The following MND1 variants were observed in gnomAD, a reference collection of about 807,000 sequenced individuals.
The protein encoded by MND1 is meiotic nuclear divisions 1, also known as meiotic nuclear division protein 1 homolog.
MND1 carries 28 observed loss-of-function variants against 35.1 expected under a neutral mutation model. The observed-to-expected ratio is 0.80, with a 90% CI of 0.59 to 1.09. The LOEUF (loss-of-function observed/expected upper bound fraction) is 1.09. MND1 is among the 50% of genes least tolerant of loss of function. The pLI, the probability that MND1 is intolerant of heterozygous loss-of-function variation, is 0.00. For synonymous variants in MND1, 69 were observed against 70.5 expected, an observed-to-expected ratio of 0.98 and a Z score of 0.11; for missense variants, 213 against 239.6, an observed-to-expected ratio of 0.89 and a Z score of 0.73.
intron 7 of MND1, among the ~76,000 whole-genome samples, chr4:153,409,464 A>C (rs1044818672): frequency 3.3e-5 from 5 of 152,102 alleles, no homozygotes; most frequent in African/African-American, 1.2e-4. Flanking sequence ...CTCCATGATA[A>C]TCTTGAGGTA....
intron 1 of MND1, among the ~76,000 whole-genome samples, chr4:153,347,336 C>A (rs923059797): frequency 1.1e-4 from 17 of 152,260 alleles, no homozygotes; most frequent in Non-Finnish European, 2.2e-4. Context: ...ACTGAGATTT[C>A]TCTGATTTGT....
At chr4:153,380,494 A>T (rs972833990) in intron 4 of MND1, among the ~76,000 whole-genome samples, 1 of 152,160 alleles carries the variant, frequency 6.6e-6, no homozygotes, top group African/African-American at 2.4e-5. Flanking sequence ...TATTGGCCAG[A>T]TCTGAATTCC....
intron 4 of MND1, among the ~76,000 whole-genome samples, chr4:153,381,325 G>A (rs1728675517): frequency 6.6e-6 from 1 of 151,918 alleles, no homozygotes; most frequent in South Asian, 2.1e-4. Context: ...ATGAACCTGA[G>A]AAGGCTGACC....
chr4:153,412,780 A>G (rs1236532901), intron 7 of MND1, among the ~76,000 whole-genome samples: 3 of 148,916 alleles, frequency 2.0e-5, no homozygotes, highest in African/African-American at 7.4e-5. Flanking sequence ...GAGCCACCGC[A>G]ACCAGCCAAT....
intron 7 of MND1, among the ~76,000 whole-genome samples, chr4:153,411,178 ATAAT>A (rs1157611355): frequency 1.3e-5 from 2 of 152,188 alleles, no homozygotes; most frequent in African/African-American, 4.8e-5. Flanking sequence ...ACCTTGCTTA[ATAAT>A]TAAGATGGTG....
intron 1 of MND1, among the ~76,000 whole-genome samples, chr4:153,345,685 G>C (rs1410622517): frequency 1.3e-5 from 2 of 152,224 alleles, no homozygotes; most frequent in East Asian, 1.9e-4. Context: ...CCGAGCTAAG[G>C]GGGGCAGGGT....
chr4:153,357,048 G>A (rs932095025), intron 3 of MND1, among the ~76,000 whole-genome samples: 5 of 152,092 alleles, frequency 3.3e-5, no homozygotes, highest in African/African-American at 7.2e-5. Context: ...TTGTCAAACC[G>A]CTGACCTCAA....
chr4:153,367,658 A>G (rs1273291797), intron 4 of MND1, among the ~76,000 whole-genome samples: 1 of 152,164 alleles, frequency 6.6e-6, no homozygotes, highest in East Asian at 1.9e-4. Context: ...TTGATGTACA[A>G]GTTTTTGTGT....
At chr4:153,352,595 C>T (rs1196156382) in intron 2 of MND1, among the ~76,000 whole-genome samples, 1 of 151,800 alleles carries the variant, frequency 6.6e-6, no homozygotes, top group African/African-American at 2.4e-5. Flanking sequence ...TATCTAGGGC[C>T]AGGTGCCACG....
At position 153,378,894 on chromosome 4, in the gene MND1, A is replaced by G. The variant is rs181373949; in HGVS notation, c.277-15368A>G. On this transcript the variant is annotated intron_variant, in intron 4 of 7. Coordinates refer to ENST00000240488, the MANE Select transcript of MND1 (RefSeq NM_032117.4). Reference sequence around the variant, plus strand: ...GTATAGTAGTCAACTTTCTTAGTGCATGTATAAGTGTCTATAGATTAAACA... The same window carrying G: ...GTATAGTAGTCAACTTTCTTAGTGCGTGTATAAGTGTCTATAGATTAAACA... Among the ~76,000 whole-genome samples the G allele has an allele frequency of 5.1e-3, 772 of 152,302 alleles. 6 individuals are homozygous for G. Among genetic ancestry groups the G allele is most frequent in the African/African-American group, 0.018 (729 of 41,566 alleles).
intron 6 of MND1, among the ~76,000 whole-genome samples, chr4:153,405,882 G>T (rs1729492897): frequency 6.6e-6 from 1 of 152,072 alleles, no homozygotes; most frequent in Admixed American, 6.5e-5. Flanking sequence ...TTGGCTCACT[G>T]CAGGCTCTGC....
chr4:153,356,029 C>G (rs7340984), intron 3 of MND1, among the ~76,000 whole-genome samples: 83,197 of 151,932 alleles, frequency 0.55, 24,761 homozygotes, highest in African/African-American at 0.81. Flanking sequence ...GATAAGCTGG[C>G]TGGTAGCGCA....
At chr4:153,381,821 C>T (rs927666969) in intron 4 of MND1, 6 of 146,056 alleles carry the variant, frequency 4.1e-5, no homozygotes, top group East Asian at 4.1e-4. Context: ...TTACCTGTTC[C>T]GTTTCCTACC....
chr4:153,407,740 A>ATT (rs1447964601), intron 6 of MND1, among the ~76,000 whole-genome samples: 1 of 152,198 alleles, frequency 6.6e-6, no homozygotes, highest in Non-Finnish European at 1.5e-5. Context: ...CCTTGAAAAC[A>ATT]TTGTGTTAAG....
At chr4:153,370,531 G>GT (rs1359918613) in intron 4 of MND1, among the ~76,000 whole-genome samples, 2 of 151,858 alleles carry the variant, frequency 1.3e-5, no homozygotes, top group African/African-American at 4.8e-5. Context: ...GTTTTGTTTT[G>GT]TTTTTTGAGA....
intron 7 of MND1, among the ~76,000 whole-genome samples, chr4:153,410,284 CT>C (rs111262750): frequency 0.072 from 10,514 of 146,794 alleles, 610 homozygotes; most frequent in African/African-American, 0.17. Context: ...TTTGGAATGG[CT>C]TTTTTTTTTT....
chr4:153,399,443 A>G (rs1729284613), intron 6 of MND1, among the ~76,000 whole-genome samples: 1 of 152,212 alleles, frequency 6.6e-6, no homozygotes, highest in Non-Finnish European at 1.5e-5. Flanking sequence ...ACCTACACTG[A>G]TAGTGACCCT....
intron 6 of MND1, among the ~76,000 whole-genome samples, chr4:153,404,174 C>CTTTTTT (rs71598277): frequency 4.1e-5 from 3 of 73,778 alleles, no homozygotes; most frequent in African/African-American, 6.0e-5. Context: ...AAAATTGGTT[C>CTTTTTT]TTTTTTTTTT....
chr4:153,406,486 C>T (rs1729513576), intron 6 of MND1, among the ~76,000 whole-genome samples: 2 of 152,150 alleles, frequency 1.3e-5, no homozygotes, highest in Admixed American at 6.6e-5. Flanking sequence ...TGTACCACTG[C>T]ACTCCAGCCT....
Sources: gnomAD v4.1 joint callset for allele counts (sites outside exome capture counted in the v4.1 genomes callset) on GRCh38, gnomAD v4.1.1 for gene constraint, MANE v1.5 for transcripts, NCBI Gene and HGNC (gene_info 2026-07-23, HGNC 2026-07-21) for gene names.